The following SDCCAG8 variants were observed in gnomAD, a reference collection of about 807,000 sequenced individuals.
SDCCAG8 encodes SHH signaling and ciliogenesis regulator SDCCAG8, also known as serologically defined colon cancer antigen 8.
A neutral mutation model predicts 101.8 loss-of-function variants in SDCCAG8; 74 were observed. The ratio of observed to expected loss-of-function variants is 0.73; its 90% CI spans 0.60 to 0.88. SDCCAG8 has a LOEUF of 0.88. Ranked by LOEUF, SDCCAG8 falls within the 40% of genes least tolerant of loss-of-function variation. SDCCAG8 has a pLI of 0.00. For synonymous variants in SDCCAG8, 281 were observed against 292.9 expected, an observed-to-expected ratio of 0.96 and a Z score of 0.41; for missense variants, 787 against 822.6, an observed-to-expected ratio of 0.96 and a Z score of 0.53.
At chr1:243,418,207 A>G in intron 15 of SDCCAG8, 131 bp downstream of exon 15, 1 of 690,838 alleles carries the variant, frequency 1.4e-6, no homozygotes, top group South Asian at 1.6e-5. Context: ...TTTTCTTTGA[A>G]AATATTTTCT....
intron 13 of SDCCAG8, among the ~76,000 whole-genome samples, chr1:243,406,739 G>A (rs144701545): frequency 3.3e-5 from 5 of 152,100 alleles, no homozygotes; most frequent in South Asian, 4.2e-4. Flanking sequence ...CCAACTGTGC[G>A]CTGCTGCCCC....
chr1:243,414,766 T>C (rs1298919698), intron 13 of SDCCAG8, among the ~76,000 whole-genome samples: 2 of 152,046 alleles, frequency 1.3e-5, no homozygotes, highest in Non-Finnish European at 2.9e-5. Context: ...GATCAGGAGT[T>C]AGAAATAACT....
chr1:243,486,995 C>T (rs951517028), intron 16 of SDCCAG8, among the ~76,000 whole-genome samples: 25 of 152,346 alleles, frequency 1.6e-4, no homozygotes, highest in African/African-American at 6.0e-4. Flanking sequence ...GGGGAAAAGC[C>T]ACCTTAGGGT....
At chr1:243,325,284 T>C (rs1177644957) in intron 9 of SDCCAG8, among the ~76,000 whole-genome samples, 1 of 152,232 alleles carries the variant, frequency 6.6e-6, no homozygotes, top group Non-Finnish European at 1.5e-5. Flanking sequence ...TAGGAATCTA[T>C]AGCATTTTCA....
intron 16 of SDCCAG8, among the ~76,000 whole-genome samples, chr1:243,431,668 T>C (rs2081775495): frequency 6.6e-6 from 1 of 152,186 alleles, no homozygotes; most frequent in Non-Finnish European, 1.5e-5. Flanking sequence ...TTTTTCTGTT[T>C]TTATTTTAAA....
intron 16 of SDCCAG8, among the ~76,000 whole-genome samples, chr1:243,444,180 TA>T (rs1477926478): frequency 1.3e-5 from 2 of 152,162 alleles, no homozygotes; most frequent in Admixed American, 6.5e-5. Context: ...TTTTAATTAA[TA>T]ATTAAAATGA....
At chr1:243,421,271 C>G (rs546213855) in intron 15 of SDCCAG8, among the ~76,000 whole-genome samples, 2 of 152,352 alleles carry the variant, frequency 1.3e-5, no homozygotes, top group African/African-American at 4.8e-5. Context: ...TAGATTCCTA[C>G]CATTTAAAAC....
Position 243,293,224 on chromosome 1 carries a change from G to A in SDCCAG8, c.675+5G>A, listed in dbSNP as rs968117633. The A allele has an allele frequency of 6.2e-7, 1 of 1,613,940 alleles. No individual in the cohort carries two copies. The highest frequency in any genetic ancestry group is 8.5e-7 in the Non-Finnish European group (1 of 1,179,898). On this transcript the variant is annotated splice_donor_5th_base_variant and intron_variant, in intron 6 of 17. Coordinates refer to ENST00000366541, the MANE Select transcript of SDCCAG8 (RefSeq NM_006642.5). ...GCTGGTGAGCAGCTAGAACTGGTGA[G>A]TATTTGGGTGCTTTTCTCTTATACA...
chr1:243,345,113 T>C (rs759100154), intron 12 of SDCCAG8, among the ~76,000 whole-genome samples: 1 of 152,204 alleles, frequency 6.6e-6, no homozygotes, highest in East Asian at 1.9e-4. Context: ...AATAATTGTT[T>C]TAGAATTTAG....
At chr1:243,403,216 C>T (rs1449628946) in intron 13 of SDCCAG8, among the ~76,000 whole-genome samples, 4 of 152,132 alleles carry the variant, frequency 2.6e-5, no homozygotes, top group African/African-American at 4.8e-5. Flanking sequence ...TCCGCCTTGA[C>T]GTGACACAGC....
At chr1:243,393,540 G>T (rs1452144671) in intron 13 of SDCCAG8, among the ~76,000 whole-genome samples, 2 of 151,474 alleles carry the variant, frequency 1.3e-5, no homozygotes, top group African/African-American at 4.9e-5. Flanking sequence ...CAAACTTGGA[G>T]GGTGGGGGTG....
At chr1:243,380,948 G>T (rs1278421947) in intron 13 of SDCCAG8, among the ~76,000 whole-genome samples, 4 of 150,152 alleles carry the variant, frequency 2.7e-5, no homozygotes, top group East Asian at 3.9e-4. Flanking sequence ...TGTTTTTTTG[G>T]TTTTTTTTTG....
At chr1:243,470,104 AC>A (rs1199241517) in intron 16 of SDCCAG8, among the ~76,000 whole-genome samples, 2 of 152,150 alleles carry the variant, frequency 1.3e-5, no homozygotes, top group Non-Finnish European at 2.9e-5. Context: ...CAAGGTCTAA[AC>A]AGATTTACAA....
At chr1:243,325,058 T>G (rs900239559) in intron 9 of SDCCAG8, among the ~76,000 whole-genome samples, 1 of 152,236 alleles carries the variant, frequency 6.6e-6, no homozygotes, top group African/African-American at 2.4e-5. Context: ...CCTGTTGATG[T>G]GGTGTATAAT....
At chr1:243,269,802 T>C (rs2067938021) in intron 1 of SDCCAG8, among the ~76,000 whole-genome samples, 1 of 152,090 alleles carries the variant, frequency 6.6e-6, no homozygotes, top group Admixed American at 6.6e-5. Flanking sequence ...AGTTATTGTT[T>C]AATGGGAGCT....
intron 11 of SDCCAG8, 129 bp from the exon 12 acceptor site, chr1:243,344,086 A>C (rs186536238): frequency 1.3e-6 from 1 of 742,846 alleles, no homozygotes; most frequent in African/African-American, 1.7e-5. Flanking sequence ...TCTAATAGAA[A>C]ATGGCATTCT....
intron 13 of SDCCAG8, among the ~76,000 whole-genome samples, chr1:243,411,402 C>CCACTG (rs2080167081): frequency 6.6e-6 from 1 of 152,064 alleles, no homozygotes; most frequent in Non-Finnish European, 1.5e-5. Flanking sequence ...CAGGTGTAAG[C>CCACTG]CACTGATTTG....
At chr1:243,387,708 A>C (rs556890452) in intron 13 of SDCCAG8, among the ~76,000 whole-genome samples, 1 of 152,202 alleles carries the variant, frequency 6.6e-6, no homozygotes, top group African/African-American at 2.4e-5. Context: ...TAACTAGTAC[A>C]GTTACTTATT....
intron 16 of SDCCAG8, among the ~76,000 whole-genome samples, chr1:243,430,596 G>A (rs1196040478): frequency 5.3e-5 from 8 of 151,744 alleles, no homozygotes. Flanking sequence ...CCACCACCAC[G>A]CCCGGCTAAT....
Sources: allele counts gnomAD v4.1 joint callset (sites outside exome capture counted in the v4.1 genomes callset), GRCh38; gene constraint gnomAD v4.1.1; transcripts MANE v1.5; gene names NCBI Gene and HGNC (gene_info 2026-07-23, HGNC 2026-07-21).